Variants in PPP3CA observed in about 807,000 individuals in gnomAD.
PPP3CA encodes the protein protein phosphatase 3 catalytic subunit alpha, also known as CAM-PRP catalytic subunit.
Under a neutral mutation model 66.5 loss-of-function variants are expected in PPP3CA, and 14 were observed. That is an observed-to-expected ratio of 0.21 (90% CI 0.14 to 0.33). PPP3CA has a LOEUF of 0.33. Among genes scored for constraint, PPP3CA ranks in the 10% least tolerant of loss-of-function variants. The pLI is 1.00. For missense variants in PPP3CA, 317 were observed against 639.5 expected (o/e 0.50, Z 5.44); for synonymous variants, 232 against 226.2 (o/e 1.03, Z -0.23).
intron 11 of PPP3CA, among the ~76,000 whole-genome samples, chr4:101,036,038 A>G (rs1727230627): frequency 6.6e-6 from 1 of 152,200 alleles, no homozygotes; most frequent in Non-Finnish European, 1.5e-5. Flanking sequence ...GACTAGTCGA[A>G]TTAAGATGTG....
At chr4:101,051,558 C>T (rs1728009364) in intron 10 of PPP3CA, among the ~76,000 whole-genome samples, 1 of 152,114 alleles carries the variant, frequency 6.6e-6, no homozygotes, top group Admixed American at 6.6e-5. Flanking sequence ...ACAGGCCTTT[C>T]TACAAAGAAT....
intron 1 of PPP3CA, among the ~76,000 whole-genome samples, chr4:101,215,919 C>T (rs891502433): frequency 6.6e-6 from 1 of 152,038 alleles, no homozygotes; most frequent in African/African-American, 2.4e-5. Flanking sequence ...AGTTGTATCA[C>T]CAAAGCTCAA....
At chr4:101,330,337 A>G (rs951205255) in intron 1 of PPP3CA, 2 of 474,210 alleles carry the variant, frequency 4.2e-6, no homozygotes, top group Non-Finnish European at 8.5e-6. Context: ...AGGATGAGCA[A>G]AGAAGATAGT....
intron 10 of PPP3CA, among the ~76,000 whole-genome samples, chr4:101,054,364 A>G (rs1205109408): frequency 6.6e-6 from 1 of 152,068 alleles, no homozygotes; most frequent in Middle Eastern, 3.2e-3. Flanking sequence ...TTCCATTTAG[A>G]TTTTTAAATT....
At chr4:101,258,866 A>G (rs1320476475) in intron 1 of PPP3CA, among the ~76,000 whole-genome samples, 1 of 152,144 alleles carries the variant, frequency 6.6e-6, no homozygotes, top group Non-Finnish European at 1.5e-5. Context: ...TTGAAGCCCA[A>G]CAAACCACAC....
intron 8 of PPP3CA, among the ~76,000 whole-genome samples, chr4:101,064,172 A>G (rs751895034): frequency 2.4e-4 from 37 of 151,980 alleles, no homozygotes; most frequent in African/African-American, 7.7e-4. Flanking sequence ...AGGAAGACAA[A>G]TCTGCATGCT....
intron 10 of PPP3CA, among the ~76,000 whole-genome samples, chr4:101,060,087 C>T (rs565132728): frequency 2.0e-5 from 3 of 152,044 alleles, no homozygotes; most frequent in African/African-American, 7.2e-5. Context: ...GGAGGGCTGA[C>T]TGTACTGCTT....
At chr4:101,297,297 C>T (rs998253134) in intron 1 of PPP3CA, among the ~76,000 whole-genome samples, 3 of 152,102 alleles carry the variant, frequency 2.0e-5, no homozygotes, top group South Asian at 2.1e-4. Context: ...GTGCCTAGCA[C>T]GTAGTAAGTA....
intron 2 of PPP3CA, among the ~76,000 whole-genome samples, chr4:101,188,226 G>C (rs920532542): frequency 3.3e-5 from 5 of 152,034 alleles, no homozygotes; most frequent in Admixed American, 3.3e-4. Flanking sequence ...AAAAATATAT[G>C]AATCTGAAAA....
At chr4:101,218,451 A>C (rs745865380) in intron 1 of PPP3CA, among the ~76,000 whole-genome samples, 4 of 151,786 alleles carry the variant, frequency 2.6e-5, no homozygotes, top group Non-Finnish European at 5.9e-5. Context: ...ATTGAAACAT[A>C]CTCTCCTGCC....
intron 2 of PPP3CA, among the ~76,000 whole-genome samples, chr4:101,162,494 C>T (rs1723548376): frequency 6.6e-6 from 1 of 151,590 alleles, no homozygotes; most frequent in Non-Finnish European, 1.5e-5. Flanking sequence ...CACGCCACTG[C>T]ACTTCAGCCT....
intron 2 of PPP3CA, among the ~76,000 whole-genome samples, chr4:101,128,618 G>A (rs553773833): frequency 2.1e-4 from 32 of 151,614 alleles, no homozygotes; most frequent in South Asian, 4.2e-4. Context: ...AGGGCGGGGC[G>A]TCACCTTACC....
rs1175354913 is a variant in PPP3CA at position 101,026,069 on chromosome 4, G to GA, written c.1370-9dup. The GA allele has an allele frequency of 1.3e-6, 2 of 1,571,292 alleles. No individual in the cohort carries two copies. The highest frequency in any genetic ancestry group is 1.7e-6 in the Non-Finnish European group (2 of 1,159,796). On this transcript the variant is annotated splice_polypyrimidine_tract_variant and intron_variant, in intron 13 of 13. Transcript: ENST00000394854. The stretch of plus-strand genomic sequence containing the variant: ...GTGAAAATCCTTTGATAGCTAAACA[G>GA]AAAATCATTAAAAAAAGAAAACCAG...
intron 1 of PPP3CA, among the ~76,000 whole-genome samples, chr4:101,220,552 AAAAT>A (rs1725593806): frequency 6.6e-6 from 1 of 151,768 alleles, no homozygotes; most frequent in Non-Finnish European, 1.5e-5. Flanking sequence ...TGCTGAAAGA[AAAAT>A]AAACTTATCT....
At chr4:101,063,461 A>G (rs1475218010) in intron 8 of PPP3CA, 104 bp from the exon 9 acceptor site, 28 of 1,364,722 alleles carry the variant, frequency 2.1e-5, no homozygotes. Context: ...TGAAGTTCCA[A>G]AACATCCAGG....
chr4:101,236,565 G>C (rs1726138597), intron 1 of PPP3CA, among the ~76,000 whole-genome samples: 2 of 151,850 alleles, frequency 1.3e-5, no homozygotes, highest in Non-Finnish European at 2.9e-5. Context: ...TGAGAGCAAG[G>C]GGCAAGAATG....
chr4:101,123,932 C>T (rs988508492), intron 2 of PPP3CA, among the ~76,000 whole-genome samples: 3 of 152,176 alleles, frequency 2.0e-5, no homozygotes, highest in African/African-American at 7.2e-5. Context: ...CAGAATAGTA[C>T]TCTCACAGAA....
intron 2 of PPP3CA, among the ~76,000 whole-genome samples, chr4:101,166,249 A>G (rs1218509591): frequency 1.3e-5 from 2 of 152,032 alleles, no homozygotes; most frequent in Admixed American, 1.3e-4. Flanking sequence ...CCTCAAACCA[A>G]TTGTTACTTT....
chr4:101,335,503 C>G (rs540365584), intron 1 of PPP3CA, among the ~76,000 whole-genome samples: 1 of 151,832 alleles, frequency 6.6e-6, no homozygotes, highest in African/African-American at 2.4e-5. Context: ...GAGAGCAATG[C>G]CTTTAGAAAG....
Sources: allele counts gnomAD v4.1 joint callset (sites outside exome capture counted in the v4.1 genomes callset), GRCh38; gene constraint gnomAD v4.1.1; transcripts MANE v1.5; gene names NCBI Gene and HGNC (gene_info 2026-07-23, HGNC 2026-07-21).